DMTF1: variants seen among roughly 807,000 people sequenced by gnomAD.
DMTF1 encodes the protein cyclin-D-binding Myb-like transcription factor 1.
DMTF1 carries 39 observed loss-of-function variants against 91.1 expected under a neutral mutation model. That is an observed-to-expected ratio of 0.43 (90% confidence interval 0.33 to 0.56). The LOEUF (loss-of-function observed/expected upper bound fraction) is 0.56. Ranked by LOEUF, DMTF1 falls within the 20% of genes least tolerant of loss-of-function variation. The probability of loss-of-function intolerance (pLI) is 0.05; values close to 1 mark genes in which losing one functional copy is unlikely to be tolerated. For missense variants in DMTF1, 750 were observed against 914.5 expected, an observed-to-expected ratio of 0.82 and a Z score of 2.32; for synonymous variants, 338 against 309.5, an observed-to-expected ratio of 1.09 and a Z score of -0.97.
rs144397319 is a variant in DMTF1, at chr7:87,174,678, T to TG, written c.519+11dup. The TG allele has an allele frequency of 0.052, 82,127 of 1,583,634 alleles. 2,459 individuals carry two copies. The highest frequency in any genetic ancestry group is 0.071 in the Middle Eastern group (425 of 5,968). On this transcript the variant is annotated intron_variant, in intron 7 of 17. Transcript: ENST00000331242. ...TTGAACGCTATCTTAAGGTATCTTA[T>TG]GGCATATTTTTATGTTTCACCAATT...
intron 7 of DMTF1, among the ~76,000 whole-genome samples, chr7:87,178,974 T>C (rs1796817646): frequency 6.6e-6 from 1 of 152,024 alleles, no homozygotes; most frequent in Non-Finnish European, 1.5e-5. Context: ...GGTAAGTTGA[T>C]GTTTGATGTC....
At chr7:87,180,182 A>G (rs915051007) in intron 8 of DMTF1, among the ~76,000 whole-genome samples, 3 of 152,190 alleles carry the variant, frequency 2.0e-5, no homozygotes, top group Admixed American at 6.5e-5. Flanking sequence ...TTCAAATGCA[A>G]TGATTATATA....
At chr7:87,190,427 C>T (rs919127318) in intron 13 of DMTF1, among the ~76,000 whole-genome samples, 27 of 151,972 alleles carry the variant, frequency 1.8e-4, no homozygotes, top group African/African-American at 6.5e-4. Context: ...TAGTGCTTAC[C>T]CATATATACA....
At chr7:87,182,846 G>C (rs141954186) in intron 10 of DMTF1, among the ~76,000 whole-genome samples, 1 of 152,094 alleles carries the variant, frequency 6.6e-6, no homozygotes, top group African/African-American at 2.4e-5. Flanking sequence ...TTTATGATTG[G>C]TGTTTCAGTC....
chr7:87,153,778 T>G (rs1160399140), intron 1 of DMTF1, among the ~76,000 whole-genome samples: 1 of 152,252 alleles, frequency 6.6e-6, no homozygotes, highest in Non-Finnish European at 1.5e-5. Context: ...TGGAAAATTT[T>G]AAATTATACC....
chr7:87,165,516 G>A (rs1188252206), intron 3 of DMTF1, among the ~76,000 whole-genome samples: 1 of 152,028 alleles, frequency 6.6e-6, no homozygotes, highest in Non-Finnish European at 1.5e-5. Context: ...TTTATTTATT[G>A]TGCTCTGAAG....
intron 3 of DMTF1, 97 bp downstream of exon 3, chr7:87,165,147 A>G: frequency 1.4e-6 from 1 of 702,024 alleles, no homozygotes; most frequent in East Asian, 2.8e-5. Flanking sequence ...CTAGGTGCCT[A>G]TGAGTTTAGG....
intron 13 of DMTF1, 107 bp from the exon 14 acceptor site, chr7:87,190,838 C>A: frequency 1.2e-6 from 1 of 811,940 alleles, no homozygotes; most frequent in Non-Finnish European, 1.9e-6. Flanking sequence ...GCAAATTATT[C>A]AATATTAAAT....
chr7:87,188,080 A>G lies in DMTF1; in HGVS notation c.1202-12A>G, dbSNP rs1798866341. ...GAATCAATGTTCTTTTTGTCTACCC[A>G]TCTCCCTTCAGTCTTAATAAAAGGT... On this transcript the variant is annotated splice_polypyrimidine_tract_variant and intron_variant, in intron 12 of 17. Transcript: ENST00000331242. The G allele has an allele frequency of 6.2e-7, 1 of 1,609,196 alleles. No homozygotes were observed. The highest frequency in any genetic ancestry group is 1.1e-5 in the South Asian group (1 of 90,978).
At chr7:87,189,754 T>G (rs1251923360) in intron 13 of DMTF1, among the ~76,000 whole-genome samples, 2 of 152,080 alleles carry the variant, frequency 1.3e-5, no homozygotes, top group Non-Finnish European at 2.9e-5. Flanking sequence ...CCACATAGGT[T>G]TCTGAGGGAT....
intron 7 of DMTF1, among the ~76,000 whole-genome samples, chr7:87,178,399 A>G (rs1796684607): frequency 6.6e-6 from 1 of 151,706 alleles, no homozygotes; most frequent in African/African-American, 2.4e-5. Context: ...TATTCTTTAT[A>G]ATTTTGGTTT....
chr7:87,165,739 T>C (rs887248950), intron 3 of DMTF1, among the ~76,000 whole-genome samples: 4 of 152,206 alleles, frequency 2.6e-5, no homozygotes, highest in Admixed American at 6.5e-5. Context: ...CCTAGTTCTC[T>C]TTTTTCCTTT....
chr7:87,191,931 C>T (rs1386446860), intron 14 of DMTF1, among the ~76,000 whole-genome samples: 1 of 152,056 alleles, frequency 6.6e-6, no homozygotes. Context: ...TTTATTCATC[C>T]TCTCCCCAGC....
intron 8 of DMTF1, among the ~76,000 whole-genome samples, chr7:87,180,843 C>CATTTATT (rs1307908883): frequency 3.4e-5 from 5 of 147,444 alleles, no homozygotes; most frequent in African/African-American, 1.0e-4. Flanking sequence ...AAAATAGAAG[C>CATTTATT]ATTTATTTTC....
chr7:87,191,013 T>C lies in DMTF1; in HGVS notation c.1480T>C (p.Phe494Leu). Reference sequence around the variant, plus strand: ...ACTAAACAGTGGAACACTACAGACATTTGAGATTCTTCCCGTGAGTAACGC... The same window carrying C: ...ACTAAACAGTGGAACACTACAGACACTTGAGATTCTTCCCGTGAGTAACGC... Reference protein sequence around the residue: ...ITLNSGTLQTFEILPSFHLQP... With the variant: ...ITLNSGTLQTLEILPSFHLQP... The change falls in exon 14 of 18, where the codon TTT (phenylalanine) becomes CTT (leucine). Residue 494 changes from phenylalanine to leucine, a missense_variant. Coordinates refer to ENST00000331242, the MANE Select transcript of DMTF1 (RefSeq NM_001142327.2). 6.2e-7 allele frequency: 1 copy of C among 1,601,506 alleles called. No individual in the cohort carries two copies. The highest frequency in any genetic ancestry group is 1.3e-5 in the African/African-American group (1 of 74,472).
chr7:87,166,378 G>A, intron 3 of DMTF1, 105 bp from the exon 4 acceptor site: 1 of 1,202,476 alleles, frequency 8.3e-7, no homozygotes, highest in Non-Finnish European at 1.1e-6. Context: ...GAGCAAATTG[G>A]TAAGAAAATT....
At chr7:87,166,632 A>G (rs762498793) in intron 4 of DMTF1, 27 bp downstream of exon 4, 31 of 109,902 alleles carry the variant, frequency 2.8e-4, no homozygotes, top group Non-Finnish European at 5.2e-4. Flanking sequence ...TAAGAGCCAT[A>G]GAGTTCCCTT....
At chr7:87,193,423 TAGA>T (rs1484373204) in intron 15 of DMTF1, 70 bp downstream of exon 15, 2 of 1,491,788 alleles carry the variant, frequency 1.3e-6, no homozygotes, top group African/African-American at 2.8e-5. Context: ...AGGACCAAAA[TAGA>T]AGGTAGTTAT....
At chr7:87,152,713 G>T (rs1584114558) in intron 1 of DMTF1, 158 bp downstream of exon 1, 1 of 154,002 alleles carries the variant, frequency 6.5e-6, no homozygotes, top group African/African-American at 2.4e-5. Flanking sequence ...CCTTCCTGAC[G>T]TTGCAGCTGC....
Sources: allele counts gnomAD v4.1 joint callset (sites outside exome capture counted in the v4.1 genomes callset), GRCh38; gene constraint gnomAD v4.1.1; transcripts MANE v1.5; gene names NCBI Gene and HGNC (gene_info 2026-07-23, HGNC 2026-07-21).